The following LRP4 variants were observed in gnomAD, a reference collection of about 807,000 sequenced individuals.
The protein encoded by LRP4 is LDL receptor related protein 4, also known as low-density lipoprotein receptor-related protein 4.
LRP4 carries 95 observed loss-of-function variants against 220.3 expected under a neutral mutation model. The observed-to-expected ratio is 0.43, with a 90% CI of 0.37 to 0.51. The LOEUF is 0.51. Among genes scored for constraint, LRP4 ranks in the 20% least tolerant of loss-of-function variants. LRP4 has a pLI of 0.00. For synonymous variants in LRP4, 903 were observed against 954.6 expected, an observed-to-expected ratio of 0.95 and a Z score of 1.00; for missense variants, 1,925 against 2,567.0, an observed-to-expected ratio of 0.75 and a Z score of 5.40.
intron 15 of LRP4, 159 bp from the exon 16 acceptor site, chr11:46,889,692 G>T: frequency 2.0e-6 from 2 of 981,920 alleles, no homozygotes; most frequent in Non-Finnish European, 3.1e-6. Context: ...GTGAGTACCC[G>T]GCACAGAGGA....
At chr11:46,892,829 C>T (rs546438944) in intron 13 of LRP4, 144 bp downstream of exon 13, 2 of 991,918 alleles carry the variant, frequency 2.0e-6, no homozygotes, top group African/African-American at 3.2e-5. Context: ...CTTGGCCTCC[C>T]AAAGTGCTGG....
intron 1 of LRP4, among the ~76,000 whole-genome samples, chr11:46,906,256 G>A (rs1285876628): frequency 1.3e-5 from 2 of 152,182 alleles, no homozygotes; most frequent in South Asian, 4.1e-4. Context: ...AGGAGTTTGA[G>A]ACCAGCCTGG....
intron 20 of LRP4, 99 bp from the exon 21 acceptor site, chr11:46,879,414 A>G: frequency 8.3e-7 from 1 of 1,211,470 alleles, no homozygotes; most frequent in East Asian, 2.5e-5. Context: ...CTCTCCCACT[A>G]ACACCTACTG....
Position 46,865,104 on chromosome 11 carries a change from G to T in LRP4, c.5155+15C>A. 1 of 1,556,914 alleles carries T rather than the reference G, an allele frequency of 6.4e-7. No individual in the cohort carries two copies. Among genetic ancestry groups the T allele is most frequent in the Non-Finnish European group, 8.7e-7 (1 of 1,148,752 alleles). On this transcript the variant is annotated intron_variant, in intron 35 of 37. Coordinates refer to ENST00000378623, the MANE Select transcript of LRP4 (RefSeq NM_002334.4). ...ACATCTTCTTTTCCGGAACAGTGGG[G>T]TACTCAGGGCTTACCTGGAGCAGCA... is the stretch of plus-strand genomic sequence containing the variant.
rs760985688 is a variant in LRP4, at chr11:46,876,913, A to G, written c.3278-83T>C. On this transcript the variant is annotated intron_variant, in intron 23 of 37. Transcript: ENST00000378623. ...CAGCTGATTCATGTCTTGAAACACC[A>G]GAGCATGTCAGAGAGCTCTGGAGCC... The G allele has an allele frequency of 1.0e-5, 11 of 1,086,656 alleles. No homozygotes were observed. The Admixed American group carries it at 1.4e-4, about 13-fold the overall frequency. The allele number at this position is 1,086,656 out of a possible 1,614,324, so 67.3% of individuals were successfully genotyped here. A position where few individuals can be genotyped will look rare whatever the true frequency, so the allele number is the denominator to read the frequency against.
At chr11:46,862,496 T>C in intron 37 of LRP4, 110 bp downstream of exon 37, 1 of 1,104,972 alleles carries the variant, frequency 9.1e-7, no homozygotes, top group East Asian at 2.4e-5. Context: ...ACTTCCAAAA[T>C]GGTAGATGGG....
chr11:46,867,869 C>T (rs1940745289), intron 34 of LRP4, 110 bp downstream of exon 34: 2 of 1,300,546 alleles, frequency 1.5e-6, no homozygotes, highest in Non-Finnish European at 2.2e-6. Flanking sequence ...GGACTGGTAG[C>T]TCCTGACATA....
chr11:46,863,766 T>G (rs997638263), intron 36 of LRP4, among the ~76,000 whole-genome samples: 3 of 150,084 alleles, frequency 2.0e-5, no homozygotes, highest in African/African-American at 7.5e-5. Flanking sequence ...CTCAAAAAAA[T>G]AAGACAAAAA....
intron 11 of LRP4, 150 bp from the exon 12 acceptor site, chr11:46,894,969 T>TA: frequency 9.5e-7 from 1 of 1,047,524 alleles, no homozygotes; most frequent in Non-Finnish European, 1.4e-6. Context: ...TGGCAACCTT[T>TA]AAACTATATT....
rs1225512238 is a variant in LRP4, at chr11:46,899,317, C to T, written c.547+70G>A. On this transcript the variant is annotated intron_variant, in intron 5 of 37. Transcript: ENST00000378623. This position sits in a 1 kb window ranked among gnomAD's most constrained non-coding sequence, Gnocchi z 5.9. Reference sequence around the variant, plus strand: ...CCTTGGTACATGCACTCCTCAGCCTCGCCCTTAGCCAATGGGCAGAACTGT... The same window carrying T: ...CCTTGGTACATGCACTCCTCAGCCTTGCCCTTAGCCAATGGGCAGAACTGT... The T allele has an allele frequency of 1.5e-5, 19 of 1,257,078 alleles. No individual in the cohort carries two copies. The highest frequency in any genetic ancestry group is 2.2e-5 in the Non-Finnish European group (19 of 856,248). The allele number at this position is 1,257,078 out of a possible 1,614,324, so 77.9% of individuals were successfully genotyped here.
At chr11:46,904,750 T>C (rs1941731988) in intron 1 of LRP4, among the ~76,000 whole-genome samples, 2 of 152,048 alleles carry the variant, frequency 1.3e-5, no homozygotes, top group African/African-American at 4.8e-5. Flanking sequence ...AGGTGGATCC[T>C]TTGAGCACAG....
Position 46,902,896 on chromosome 11 carries a change from C to G in LRP4, c.86G>C (p.Arg29Pro). ...LASSPECACG[R>P]SHFTCAVSAL... The stretch of plus-strand genomic sequence containing the variant: ...ACTCACTGCACATGTGAAGTGGCTC[C>G]GACCACAAGCACACTCGGGGCTGCT... Residue 29 changes from arginine to proline, a missense_variant, in exon 2 of 38, where the codon CGG becomes CCG. Transcript: ENST00000378623. 6.2e-7 allele frequency: 1 copy of G among 1,614,106 alleles called. No homozygotes were observed. The highest frequency in any genetic ancestry group is 1.7e-5 in the Admixed American group (1 of 60,022).
Position 46,895,308 on chromosome 11 carries a change from G to T in LRP4, c.1184-17C>A. On this transcript the variant is annotated splice_polypyrimidine_tract_variant and intron_variant, in intron 10 of 37. Transcript: ENST00000378623. ...CATTCACATCTGGGAACACCAGGCA[G>T]GTCAAGAGATCTCCCTTCTGTCGTC... 6.2e-7 allele frequency: 1 copy of T among 1,611,218 alleles called. No homozygotes were observed. Among genetic ancestry groups the T allele is most frequent in the Middle Eastern group, 1.6e-4 (1 of 6,062 alleles).
chr11:46,895,059 G>T, intron 11 of LRP4, 107 bp downstream of exon 11: 1 of 1,517,772 alleles, frequency 6.6e-7, no homozygotes, highest in Non-Finnish European at 9.0e-7. Flanking sequence ...GCATTTTACT[G>T]TGACAGAAAT....
At chr11:46,877,363 AG>A in intron 22 of LRP4, 24 bp from the exon 23 acceptor site, 4 of 1,613,848 alleles carry the variant, frequency 2.5e-6, no homozygotes, top group Non-Finnish European at 3.4e-6. Flanking sequence ...AGGAGGGAAG[AG>A]GATCACTCGA....
chr11:46,900,603 G>A (rs1228739592), intron 2 of LRP4, among the ~76,000 whole-genome samples: 1 of 151,546 alleles, frequency 6.6e-6, no homozygotes, highest in Non-Finnish European at 1.5e-5. Flanking sequence ...AAGTAGCTGG[G>A]ATTACAGGCA....
Position 46,918,494 on chromosome 11 carries a change from C to T in LRP4, c.-115G>A, listed in dbSNP as rs1941988139. The T allele has an allele frequency of 1.4e-6, 1 of 715,914 alleles. No individual in the cohort carries two copies. Among genetic ancestry groups the T allele is most frequent in the Non-Finnish European group, 1.8e-6 (1 of 544,412 alleles). 44.3% of individuals were successfully genotyped at this position (715,914 alleles called of 1,614,324 possible). ...CGTCCCGGGTGCACGGCGGCCTGCG[C>T]GCCCCGCAAGTCGCCCTCGGGCCGC... is the stretch of plus-strand genomic sequence containing the variant. On this transcript the variant is annotated 5_prime_UTR_variant, in exon 1 of 38. Transcript: ENST00000378623. This position sits in a 1 kb window ranked among gnomAD's most constrained non-coding sequence, Gnocchi z 6.0.
intron 20 of LRP4, 37 bp from the exon 21 acceptor site, chr11:46,879,352 G>A (rs1423223095): frequency 6.2e-7 from 1 of 1,608,840 alleles, no homozygotes; most frequent in Non-Finnish European, 8.5e-7. Flanking sequence ...CTTCAACAAA[G>A]TCTGACAGTA....
At chr11:46,913,015 C>T (rs1320161362) in intron 1 of LRP4, among the ~76,000 whole-genome samples, 1 of 152,162 alleles carries the variant, frequency 6.6e-6, no homozygotes, top group East Asian at 1.9e-4. Context: ...TAGGCCAAGT[C>T]AGGGCTTGCA....
Sources: allele counts gnomAD v4.1 joint callset (sites outside exome capture counted in the v4.1 genomes callset), GRCh38; gene constraint gnomAD v4.1.1; non-coding constraint Gnocchi (gnomAD v3.1); transcripts MANE v1.5; gene names NCBI Gene and HGNC (gene_info 2026-07-23, HGNC 2026-07-21).